EIF3H: variants seen among roughly 807,000 people sequenced by gnomAD.
EIF3H encodes eIF-3-gamma.
A neutral mutation model predicts 44.2 loss-of-function variants in EIF3H; 26 were observed. The observed-to-expected ratio is 0.59, with a 90% CI of 0.43 to 0.82. The LOEUF (loss-of-function observed/expected upper bound fraction) is 0.82, where lower values mean the gene tolerates loss of function less well. Among genes scored for constraint, EIF3H ranks in the 40% least tolerant of loss-of-function variants. EIF3H has a pLI of 0.00. For missense variants in EIF3H, 359 were observed against 432.8 expected, an observed-to-expected ratio of 0.83 and a Z score of 1.51; for synonymous variants, 166 against 151.9, an observed-to-expected ratio of 1.09 and a Z score of -0.68.
chr8:116,659,401 C>T (rs939540525), intron 2 of EIF3H, among the ~76,000 whole-genome samples: 4 of 152,266 alleles, frequency 2.6e-5, no homozygotes, highest in African/African-American at 9.6e-5. Context: ...TTCTTCAACA[C>T]AGCTTTTAGA....
intron 2 of EIF3H, among the ~76,000 whole-genome samples, chr8:116,686,419 G>A (rs1470450059): frequency 6.6e-6 from 1 of 152,032 alleles, no homozygotes. Flanking sequence ...GACCAAACGT[G>A]CTCGAGTCAT....
chr8:116,651,322 A>G (rs1813388395), intron 5 of EIF3H, among the ~76,000 whole-genome samples: 1 of 152,218 alleles, frequency 6.6e-6, no homozygotes, highest in Non-Finnish European at 1.5e-5. Context: ...GGCATCAGAG[A>G]GGAATGGAGG....
In EIF3H at chr8:116,650,499, A is replaced by T. The variant is rs552599910; in HGVS notation, c.708-1573T>A. 1.2e-4 allele frequency among the ~76,000 whole-genome samples: 18 copies of T among 152,326 alleles called. No homozygotes were observed. In the South Asian group the frequency reaches 3.3e-3, roughly 28 times the overall value. On this transcript the variant is annotated intron_variant, in intron 5 of 7. Transcript: ENST00000521861. Reference sequence around the variant, plus strand: ...TAGCCAAAAACTAAAAACAATCTAAAATTCCATCAAATGATGAATAGATAA... The same window carrying T: ...TAGCCAAAAACTAAAAACAATCTAATATTCCATCAAATGATGAATAGATAA...
At chr8:116,682,258 T>G (rs1814002599) in intron 2 of EIF3H, among the ~76,000 whole-genome samples, 1 of 152,218 alleles carries the variant, frequency 6.6e-6, no homozygotes, top group Non-Finnish European at 1.5e-5. Context: ...AATGGAAGCT[T>G]GGCAATCGGG....
chr8:116,707,267 C>T (rs571779803), intron 2 of EIF3H, among the ~76,000 whole-genome samples: 7 of 152,286 alleles, frequency 4.6e-5, no homozygotes, highest in African/African-American at 7.2e-5. Flanking sequence ...CACTACTCCA[C>T]ATAATGAATG....
chr8:116,697,927 T>G (rs780494021), intron 2 of EIF3H, among the ~76,000 whole-genome samples: 7 of 152,224 alleles, frequency 4.6e-5, no homozygotes, highest in Non-Finnish European at 8.8e-5. Context: ...AAGACTTTTG[T>G]GAAAAATAAC....
At chr8:116,663,113 C>T (rs1373144160) in intron 2 of EIF3H, among the ~76,000 whole-genome samples, 2 of 152,148 alleles carry the variant, frequency 1.3e-5, no homozygotes, top group African/African-American at 4.8e-5. Flanking sequence ...TGCTATTTGC[C>T]TCCTCATATG....
chr8:116,688,853 T>C (rs560831349), intron 2 of EIF3H, among the ~76,000 whole-genome samples: 10 of 152,254 alleles, frequency 6.6e-5, no homozygotes, highest in South Asian at 2.1e-4. Context: ...TAAAAAATAA[T>C]AGAAACGTGT....
At chr8:116,675,636 A>C (rs1317504725) in intron 2 of EIF3H, among the ~76,000 whole-genome samples, 1 of 152,228 alleles carries the variant, frequency 6.6e-6, no homozygotes, top group Non-Finnish European at 1.5e-5. Context: ...TTTTAGTCAA[A>C]TAAAACAGTG....
chr8:116,676,253 G>A lies in EIF3H; in HGVS notation c.290-17273C>T, dbSNP rs74816598. Among the ~76,000 whole-genome samples the A allele has an allele frequency of 5.8e-3, 878 of 152,314 alleles. 11 individuals carry two copies. Among genetic ancestry groups the A allele is most frequent in the African/African-American group, 0.02 (832 of 41,556 alleles). On this transcript the variant is annotated intron_variant, in intron 2 of 7. Transcript: ENST00000521861. ...ACTAATGAGAGAAAGAATACAAAGTGGGGAAGAACACGTAGTAGTCTGTTT... is the reference window on the plus strand; with the variant it reads ...ACTAATGAGAGAAAGAATACAAAGTAGGGAAGAACACGTAGTAGTCTGTTT...
chr8:116,674,961 A>G (rs545803421), intron 2 of EIF3H, among the ~76,000 whole-genome samples: 91 of 152,336 alleles, frequency 6.0e-4, no homozygotes, highest in Non-Finnish European at 8.7e-4. Flanking sequence ...TGTGTTAAAC[A>G]AAGTGCTACT....
At chr8:116,669,057 C>T (rs1813711678) in intron 2 of EIF3H, among the ~76,000 whole-genome samples, 1 of 151,928 alleles carries the variant, frequency 6.6e-6, no homozygotes, top group Admixed American at 6.6e-5. Context: ...GTATGTGTCA[C>T]TACAAAAATC....
intron 2 of EIF3H, among the ~76,000 whole-genome samples, chr8:116,680,765 C>A (rs1813970888): frequency 6.8e-6 from 1 of 147,086 alleles, no homozygotes; most frequent in Admixed American, 6.8e-5. Context: ...CTTCCCTCCA[C>A]TATTGTCCTA....
rs568677027 is a variant in EIF3H, at chr8:116,658,724, C to T, written c.457+89G>A. On this transcript the variant is annotated intron_variant, in intron 3 of 7. Transcript: ENST00000521861. ...GTTGGTATTTACTTGAGAAGGCCTG[C>T]CAGACTGCTCTTAGAGGCAAAAAGG... 3.6e-6 allele frequency: 5 copies of T among 1,373,454 alleles called. No individual in the cohort carries two copies. In the African/African-American group the frequency reaches 7.4e-5, roughly 20 times the overall value. 85.1% of individuals were successfully genotyped at this position (1,373,454 alleles called of 1,614,324 possible).
intron 1 of EIF3H, among the ~76,000 whole-genome samples, chr8:116,728,474 T>G (rs369338800): frequency 6.6e-6 from 1 of 151,996 alleles, no homozygotes; most frequent in African/African-American, 2.4e-5. Context: ...AGTAACTAAA[T>G]TGATAGTTAA....
At position 116,642,130 on chromosome 8, in the gene EIF3H, T is replaced by C. The variant is rs547537302; in HGVS notation, c.*2876A>G. On this transcript the variant is annotated 3_prime_UTR_variant, in exon 8 of 8. Coordinates refer to ENST00000521861, the MANE Select transcript of EIF3H (RefSeq NM_003756.3). ...AAATGACAGTGTATTACATACTTAATTTGGTTGAGAAGTGTTTATTGTAAA... is the reference window on the plus strand; with the variant it reads ...AAATGACAGTGTATTACATACTTAACTTGGTTGAGAAGTGTTTATTGTAAA... The C allele has an allele frequency of 1.3e-4, 20 of 152,280 alleles. No individual in the cohort carries two copies. The highest frequency in any genetic ancestry group is 4.6e-4 in the African/African-American group (19 of 41,572). The allele number at this position is 152,280 out of a possible 1,614,324, so 9.4% of individuals were successfully genotyped here.
chr8:116,675,631 G>T (rs1351323445), intron 2 of EIF3H, among the ~76,000 whole-genome samples: 1 of 152,150 alleles, frequency 6.6e-6, no homozygotes, highest in Non-Finnish European at 1.5e-5. Context: ...ATTTATTTTA[G>T]TCAAATAAAA....
At chr8:116,672,003 A>G (rs1412153283) in intron 2 of EIF3H, among the ~76,000 whole-genome samples, 1 of 152,250 alleles carries the variant, frequency 6.6e-6, no homozygotes, top group African/African-American at 2.4e-5. Flanking sequence ...TAGTTTAAAA[A>G]TAACCTAATT....
rs146882834 is a variant in EIF3H at position 116,720,398 on chromosome 8, T to A, written c.289+5618A>T. Among the ~76,000 whole-genome samples, 895 of 152,294 alleles carry A rather than the reference T, an allele frequency of 5.9e-3. 6 individuals are homozygous for A. The highest frequency in any genetic ancestry group is 0.02 in the African/African-American group (823 of 41,556). ...CTTGCCTGCCACCATCTAAGACATG[T>A]CTTTTGCCTTCTGCCATGACTGTGA... On this transcript the variant is annotated intron_variant, in intron 2 of 7. Coordinates refer to ENST00000521861, the MANE Select transcript of EIF3H (RefSeq NM_003756.3).
Sources: allele counts gnomAD v4.1 joint callset (sites outside exome capture counted in the v4.1 genomes callset), GRCh38; gene constraint gnomAD v4.1.1; transcripts MANE v1.5; gene names NCBI Gene and HGNC (gene_info 2026-07-23, HGNC 2026-07-21).